The following NUDT9 variants were observed in gnomAD, a reference collection of about 807,000 sequenced individuals.
NUDT9 encodes the protein nudix hydrolase 9, also known as ADP-ribose pyrophosphatase.
A neutral mutation model predicts 41.0 loss-of-function variants in NUDT9; 31 were observed. The observed-to-expected ratio is 0.76, with a 90% CI of 0.57 to 1.02. The LOEUF (loss-of-function observed/expected upper bound fraction) is 1.02, where lower values mean the gene tolerates loss of function less well. Among genes scored for constraint, NUDT9 ranks in the 50% least tolerant of loss-of-function variants. NUDT9 has a pLI of 0.00. For missense variants in NUDT9, 380 were observed against 431.4 expected, an observed-to-expected ratio of 0.88 and a Z score of 1.06; for synonymous variants, 146 against 147.6, an observed-to-expected ratio of 0.99 and a Z score of 0.08.
At chr4:87,432,736 G>C (rs1721739969) in intron 1 of NUDT9, among the ~76,000 whole-genome samples, 1 of 150,658 alleles carries the variant, frequency 6.6e-6, no homozygotes, top group African/African-American at 2.4e-5. Flanking sequence ...AATTTTGTTA[G>C]ATAATTTTTC....
intron 7 of NUDT9, 115 bp downstream of exon 7, chr4:87,454,570 T>G (rs1006316860): frequency 1.5e-6 from 1 of 662,944 alleles, no homozygotes; most frequent in Non-Finnish European, 2.7e-6. Context: ...AACTGTTGAT[T>G]GTAGGACTGT....
In NUDT9 at chr4:87,429,334, G is replaced by A. The variant is rs539908663; in HGVS notation, c.108-5647G>A. Among the ~76,000 whole-genome samples, 10 of 152,088 alleles carry A rather than the reference G, an allele frequency of 6.6e-5. No individual in the cohort carries two copies. In the South Asian group the frequency reaches 2.1e-3, roughly 32 times the overall value. Reference sequence around the variant, plus strand: ...GCCTGACTAACTTTTAAAATTTTTTGTAGAGATAAGGGTCTCACTGTCTCA... The same window carrying A: ...GCCTGACTAACTTTTAAAATTTTTTATAGAGATAAGGGTCTCACTGTCTCA... On this transcript the variant is annotated intron_variant, in intron 1 of 7. Transcript: ENST00000302174.
At chr4:87,428,073 C>T (rs1482683063) in intron 1 of NUDT9, among the ~76,000 whole-genome samples, 1 of 152,144 alleles carries the variant, frequency 6.6e-6, no homozygotes, top group Non-Finnish European at 1.5e-5. Flanking sequence ...AAGTTAGTCA[C>T]AAATCAAATA....
rs553854439 is a variant in NUDT9 at position 87,424,933 on chromosome 4, C to A, written c.107+1921C>A. On this transcript the variant is annotated intron_variant, in intron 1 of 7. Coordinates refer to ENST00000302174, the MANE Select transcript of NUDT9 (RefSeq NM_024047.5). ...AAAAAGCCAACAGTTAACAAATGTG[C>A]CAAGTACCTGGTAACTAATGTGGCA... Among the ~76,000 whole-genome samples, 5 of 152,306 alleles carry A rather than the reference C, an allele frequency of 3.3e-5. No individual in the cohort carries two copies. In the East Asian group the frequency reaches 9.6e-4, roughly 29 times the overall value.
At chr4:87,427,131 A>AT (rs1721463021) in intron 1 of NUDT9, among the ~76,000 whole-genome samples, 1 of 146,680 alleles carries the variant, frequency 6.8e-6, no homozygotes, top group Admixed American at 6.7e-5. Context: ...AAAAAAAAAA[A>AT]AAAAGTTAAA....
chr4:87,442,520 T>C (rs987538894), intron 4 of NUDT9, among the ~76,000 whole-genome samples: 1 of 152,254 alleles, frequency 6.6e-6, no homozygotes, highest in African/African-American at 2.4e-5. Context: ...ATTTTCATTT[T>C]GTTAATAATA....
chr4:87,438,039 G>A lies in NUDT9; in HGVS notation c.348-238G>A, dbSNP rs140841892. On this transcript the variant is annotated intron_variant, in intron 2 of 7. Coordinates refer to ENST00000302174, the MANE Select transcript of NUDT9 (RefSeq NM_024047.5). ...CTGGTAGTCCTTCCTGGAGGGGTTA[G>A]TAAGTTTAATAATAATATATATCTT... 8.1e-3 allele frequency among the ~76,000 whole-genome samples: 1,222 copies of A among 151,182 alleles called. 19 individuals carry two copies. Among genetic ancestry groups the A allele is most frequent in the African/African-American group, 0.028 (1,167 of 41,206 alleles).
intron 1 of NUDT9, 89 bp downstream of exon 1, chr4:87,423,101 C>A: frequency 3.4e-6 from 3 of 883,262 alleles, no homozygotes; most frequent in African/African-American, 1.7e-5. Flanking sequence ...ATTCTGTAGG[C>A]TTTGCTTTGC....
chr4:87,434,734 A>G (rs2110167607), intron 1 of NUDT9, among the ~76,000 whole-genome samples: 1 of 150,890 alleles, frequency 6.6e-6, no homozygotes, highest in African/African-American at 2.4e-5. Context: ...GGTTCAAGTG[A>G]TTCTCTTGCC....
chr4:87,448,094 A>T (rs979549505), intron 4 of NUDT9, among the ~76,000 whole-genome samples: 1 of 150,716 alleles, frequency 6.6e-6, no homozygotes, highest in African/African-American at 2.4e-5. Flanking sequence ...ACTGGGTCAT[A>T]TAATCTGCTT....
At chr4:87,427,119 CAAA>C (rs1183449352) in intron 1 of NUDT9, among the ~76,000 whole-genome samples, 4 of 66,270 alleles carry the variant, frequency 6.0e-5, no homozygotes, top group Admixed American at 3.5e-4. Flanking sequence ...GGCCTTGTCT[CAAA>C]AAAAAAAAAA....
intron 1 of NUDT9, among the ~76,000 whole-genome samples, chr4:87,430,445 T>C (rs1721636632): frequency 6.6e-6 from 1 of 152,258 alleles, no homozygotes. Context: ...AATGTGCTTA[T>C]TTATTTTTTA....
chr4:87,455,183 C>G (rs942371503), intron 7 of NUDT9, among the ~76,000 whole-genome samples: 1 of 152,186 alleles, frequency 6.6e-6, no homozygotes, highest in African/African-American at 2.4e-5. Flanking sequence ...TTGTACAAAT[C>G]ATTTGTCCTC....
rs1332316156 is a variant in NUDT9 at position 87,456,823 on chromosome 4, C to CG, written c.875-1014dup. On this transcript the variant is annotated intron_variant, in intron 7 of 7. Coordinates refer to ENST00000302174, the MANE Select transcript of NUDT9 (RefSeq NM_024047.5). Reference sequence around the variant, plus strand: ...GCAGATGCCTGTAATCCCAGGTACTCGGGGGGCTGAGGCAGGAGAATCGCT... The same window carrying CG: ...GCAGATGCCTGTAATCCCAGGTACTCGGGGGGGCTGAGGCAGGAGAATCGCT... Among the ~76,000 whole-genome samples, 9 of 152,102 alleles carry CG rather than the reference C, an allele frequency of 5.9e-5. No homozygotes were observed. The South Asian group carries it at 8.3e-4, about 14-fold the overall frequency.
rs147168270 is a variant in NUDT9 at position 87,451,706 on chromosome 4, C to T, written c.760C>T (p.His254Tyr). ...AEKREIEEKL[H>Y]KLFSQDHLVI... ...GAAGAGAGAAATAGAGGAAAAGTTG[C>T]ACAAACTCTTCAGCCAAGACCACCT... Residue 254 changes from histidine to tyrosine, a missense_variant, in exon 6 of 8, where the codon CAC becomes TAC. By Grantham distance (83) the His-to-Tyr change is moderately conservative. Coordinates refer to ENST00000302174, the MANE Select transcript of NUDT9 (RefSeq NM_024047.5). The T allele has an allele frequency of 1.1e-5, 17 of 1,613,674 alleles. No individual in the cohort carries two copies. In the African/African-American group the frequency reaches 1.9e-4, roughly 18 times the overall value.
In NUDT9 at chr4:87,422,654, G is replaced by A. The variant is rs915859330; in HGVS notation, c.-252G>A. 3 of 367,282 alleles carry A rather than the reference G, an allele frequency of 8.2e-6. No individual in the cohort carries two copies. The highest frequency in any genetic ancestry group is 6.9e-4 in the Middle Eastern group (1 of 1,448). The allele number at this position is 367,282 out of a possible 1,614,324, so 22.8% of individuals were successfully genotyped here. A position where few individuals can be genotyped will look rare whatever the true frequency, so the allele number is the denominator to read the frequency against. On this transcript the variant is annotated 5_prime_UTR_variant, in exon 1 of 8. Transcript: ENST00000302174. ...CGGTTTCCCCAGGCAGCTGGCGCTG[G>A]AGGCTTCGGCGTCACGTGCTGGTCT...
intron 3 of NUDT9, among the ~76,000 whole-genome samples, chr4:87,439,240 T>C (rs1444887158): frequency 6.6e-6 from 1 of 151,860 alleles, no homozygotes; most frequent in East Asian, 1.9e-4. Flanking sequence ...CAGTTCTGCA[T>C]GGCTGGGGAG....
intron 6 of NUDT9, among the ~76,000 whole-genome samples, chr4:87,454,024 TA>T (rs1722877648): frequency 6.6e-6 from 1 of 151,938 alleles, no homozygotes; most frequent in Non-Finnish European, 1.5e-5. Context: ...CATGCATGGC[TA>T]ATTTTTTTTG....
At chr4:87,438,912 A>G (rs565624665) in intron 3 of NUDT9, among the ~76,000 whole-genome samples, 1 of 152,330 alleles carries the variant, frequency 6.6e-6, no homozygotes, top group South Asian at 2.1e-4. Context: ...CACGCCTGTA[A>G]TCCCAGCACT....
Sources: gnomAD v4.1 joint callset for allele counts (sites outside exome capture counted in the v4.1 genomes callset) on GRCh38, gnomAD v4.1.1 for gene constraint, MANE v1.5 for transcripts, NCBI Gene and HGNC (gene_info 2026-07-23, HGNC 2026-07-21) for gene names.